The following ARHGAP39 variants were observed in gnomAD, a reference collection of about 807,000 sequenced individuals.
The protein encoded by ARHGAP39 is Rho GTPase activating protein 39, also known as rho GTPase-activating protein 39.
A neutral mutation model predicts 106.9 loss-of-function variants in ARHGAP39; 44 were observed. That is an observed-to-expected ratio of 0.41 (90% confidence interval 0.32 to 0.53). The LOEUF is 0.53. Among genes scored for constraint, ARHGAP39 ranks in the 20% least tolerant of loss-of-function variants. ARHGAP39 has a pLI of 0.21. For missense variants in ARHGAP39, 1,496 were observed against 1,577.3 expected (o/e 0.95, Z 0.87); for synonymous variants, 768 against 693.2 (o/e 1.11, Z -1.69).
intron 2 of ARHGAP39, among the ~76,000 whole-genome samples, chr8:144,600,827 A>G (rs1332744246): frequency 1.4e-5 from 2 of 144,472 alleles, no homozygotes; most frequent in Non-Finnish European, 3.0e-5. Flanking sequence ...GTGTGCGTGG[A>G]GGCGTGTGTG....
chr8:144,564,810 T>TA (rs761575851), intron 3 of ARHGAP39, among the ~76,000 whole-genome samples: 6,045 of 109,378 alleles, frequency 0.055, 281 homozygotes, highest in African/African-American at 0.15. Flanking sequence ...GTGAGATCTC[T>TA]AAAAAAAAAA....
At position 144,591,861 on chromosome 8, in the gene ARHGAP39, G is replaced by A. The variant is rs1006342631; in HGVS notation, c.81-10584C>T. Among the ~76,000 whole-genome samples the A allele has an allele frequency of 6.6e-6, 1 of 152,070 alleles. No homozygotes were observed. Among genetic ancestry groups the A allele is most frequent in the African/African-American group, 2.4e-5 (1 of 41,446 alleles). On this transcript the variant is annotated intron_variant, in intron 2 of 11. Transcript: ENST00000377307. The surrounding 1 kb of genome is among the most constrained non-coding windows in gnomAD (Gnocchi z 5.3). ...AGGGCGGCTTCCCCTGGATGGCGGC[G>A]TCGCCTCGTCGCCTCGTGCCTGCGG...
chr8:144,628,222 C>T (rs1403861679), intron 1 of ARHGAP39, among the ~76,000 whole-genome samples: 1 of 152,148 alleles, frequency 6.6e-6, no homozygotes, highest in African/African-American at 2.4e-5. Context: ...CCAGGTGCCA[C>T]CTGTGGACAG....
intron 7 of ARHGAP39, among the ~76,000 whole-genome samples, chr8:144,535,961 T>G (rs1267628529): frequency 6.6e-6 from 1 of 152,190 alleles, no homozygotes; most frequent in African/African-American, 2.4e-5. Flanking sequence ...GCAACTTCAC[T>G]CTGGGGGTCA....
intron 3 of ARHGAP39, among the ~76,000 whole-genome samples, chr8:144,579,241 C>A (rs770320602): frequency 8.1e-5 from 12 of 148,514 alleles, no homozygotes; most frequent in South Asian, 2.1e-4. Context: ...TGAAAAAAGG[C>A]TCAAAGTCAT....
chr8:144,661,076 G>C (rs1351818049), intron 1 of ARHGAP39, among the ~76,000 whole-genome samples: 1 of 152,148 alleles, frequency 6.6e-6, no homozygotes, highest in Non-Finnish European at 1.5e-5. Flanking sequence ...AGGAGATGGA[G>C]GCTGCAGTCC....
At chr8:144,685,176 T>C (rs1246794297) in intron 1 of ARHGAP39, among the ~76,000 whole-genome samples, 6 of 121,892 alleles carry the variant, frequency 4.9e-5, no homozygotes, top group African/African-American at 9.8e-5. Context: ...AGGAGCACAC[T>C]CACACCCCCC....
chr8:144,563,061 A>C (rs1818260518), intron 3 of ARHGAP39, among the ~76,000 whole-genome samples: 1 of 152,248 alleles, frequency 6.6e-6, no homozygotes, highest in South Asian at 2.1e-4. Context: ...TGAAAATACT[A>C]ATTTTGTATG....
At chr8:144,610,615 G>A (rs1282310239) in intron 1 of ARHGAP39, among the ~76,000 whole-genome samples, 1 of 152,048 alleles carries the variant, frequency 6.6e-6, no homozygotes, top group African/African-American at 2.4e-5. Context: ...GAAAGGCTGA[G>A]GCAGGGGAAT....
At chr8:144,652,145 GA>G (rs1197046388) in intron 1 of ARHGAP39, among the ~76,000 whole-genome samples, 1 of 152,084 alleles carries the variant, frequency 6.6e-6, no homozygotes, top group Non-Finnish European at 1.5e-5. Flanking sequence ...TAGAATGGGA[GA>G]AAATATTTGC....
At chr8:144,656,801 C>G (rs1379852888) in intron 1 of ARHGAP39, among the ~76,000 whole-genome samples, 1 of 92,206 alleles carries the variant, frequency 1.1e-5, no homozygotes, top group East Asian at 3.3e-4. Context: ...GAGCAAGACT[C>G]CATCTCAAAA....
intron 1 of ARHGAP39, among the ~76,000 whole-genome samples, chr8:144,678,272 A>T (rs1278791765): frequency 1.4e-5 from 2 of 146,576 alleles, no homozygotes; most frequent in African/African-American, 2.5e-5. Flanking sequence ...TCTCTCTCTA[A>T]AAAAAAAAAA....
intron 1 of ARHGAP39, among the ~76,000 whole-genome samples, chr8:144,677,520 T>C (rs915736791): frequency 4.6e-5 from 7 of 152,234 alleles, no homozygotes; most frequent in Non-Finnish European, 7.3e-5. Flanking sequence ...ACTGTGCCTA[T>C]AGCCTTGCTG....
chr8:144,683,153 A>C (rs1295282787), intron 1 of ARHGAP39: 1 of 145,680 alleles, frequency 6.9e-6, no homozygotes, highest in Non-Finnish European at 1.5e-5. Context: ...GTCTCTACTA[A>C]AAATACAAAA....
Position 144,530,598 on chromosome 8 carries a change from T to C in ARHGAP39, c.3169A>G (p.Asn1057Asp). 1 of 1,382,954 alleles carries C rather than the reference T, an allele frequency of 7.2e-7. No individual in the cohort carries two copies. Among genetic ancestry groups the C allele is most frequent in the Non-Finnish European group, 9.6e-7 (1 of 1,041,990 alleles). 85.7% of individuals were successfully genotyped at this position (1,382,954 alleles called of 1,614,324 possible). ...ACATCCATCTTGGTGACCGCGACGT[T>C]GGCCGGCTGCACGAAGACCTGGTGG... Reference protein sequence around the residue: ...RFLQVFVQPANVAVTKMDVSN... With the variant: ...RFLQVFVQPADVAVTKMDVSN... The change falls in exon 12 of 12, where the codon AAC becomes GAC. Residue 1057 changes from asparagine (N) to aspartate (D), a missense_variant. By Grantham distance (23) the Asn-to-Asp change is conservative. This residue lies in a region of ARHGAP39 where 470 missense variants were observed against 605.1 expected (regional missense o/e 0.78). Coordinates refer to ENST00000377307, the MANE Select transcript of ARHGAP39 (RefSeq NM_025251.3).
At chr8:144,660,457 G>A (rs991725978) in intron 1 of ARHGAP39, among the ~76,000 whole-genome samples, 1 of 152,164 alleles carries the variant, frequency 6.6e-6, no homozygotes, top group Non-Finnish European at 1.5e-5. Flanking sequence ...ATCCTTGCAT[G>A]AGCACATTCC....
rs59026223 is a variant in ARHGAP39, at chr8:144,551,010, A to G, written c.597-2521T>C. ...ACAACGTGCATGTAGTAAGGCCCTG[A>G]GTTCAGCACTGACACAGAAAACCCT... On this transcript the variant is annotated intron_variant, in intron 4 of 11. Coordinates refer to ENST00000377307, the MANE Select transcript of ARHGAP39 (RefSeq NM_025251.3). 4.8e-3 allele frequency among the ~76,000 whole-genome samples: 728 copies of G among 152,346 alleles called. 3 individuals are homozygous for G. Among genetic ancestry groups the G allele is most frequent in the African/African-American group, 0.017 (692 of 41,568 alleles).
In ARHGAP39 at chr8:144,585,550, G is replaced by C. The variant is rs958717809; in HGVS notation, c.81-4273C>G. Reference sequence around the variant, plus strand: ...TCCCTGGAGACAACCCTTGGCCTCAGCCCATGATACAAAGTGTCAATGACT... The same window carrying C: ...TCCCTGGAGACAACCCTTGGCCTCACCCCATGATACAAAGTGTCAATGACT... On this transcript the variant is annotated intron_variant, in intron 2 of 11. Transcript: ENST00000377307. The surrounding 1 kb of genome is among the most constrained non-coding windows in gnomAD (Gnocchi z 4.6). Among the ~76,000 whole-genome samples the C allele has an allele frequency of 6.6e-6, 1 of 152,040 alleles. No homozygotes were observed. The highest frequency in any genetic ancestry group is 1.5e-5 in the Non-Finnish European group (1 of 68,008).
intron 3 of ARHGAP39, among the ~76,000 whole-genome samples, chr8:144,568,293 C>T (rs574972964): frequency 7.5e-6 from 1 of 134,196 alleles, no homozygotes; most frequent in African/African-American, 2.8e-5. Flanking sequence ...GAGATCACAC[C>T]ACTGCACTCC....
Sources: allele counts gnomAD v4.1 joint callset (sites outside exome capture counted in the v4.1 genomes callset), GRCh38; gene constraint gnomAD v4.1.1; regional missense constraint gnomAD v4.1.1; non-coding constraint Gnocchi (gnomAD v3.1); transcripts MANE v1.5; gene names NCBI Gene and HGNC (gene_info 2026-07-23, HGNC 2026-07-21).